ADGB: variants seen among roughly 807,000 people sequenced by gnomAD.
ADGB encodes the protein calpain-7-like protein.
ADGB carries 172 observed loss-of-function variants against 210.5 expected under a neutral mutation model. That is an observed-to-expected ratio of 0.82 (90% confidence interval 0.72 to 0.93). The LOEUF (loss-of-function observed/expected upper bound fraction) is 0.93. Among genes scored for constraint, ADGB ranks in the 40% least tolerant of loss-of-function variants. ADGB has a pLI of 0.00. For missense variants in ADGB, 2,025 were observed against 1,964.8 expected, an observed-to-expected ratio of 1.03 and a Z score of -0.58; for synonymous variants, 658 against 662.7, an observed-to-expected ratio of 0.99 and a Z score of 0.11.
chr6:146,621,879 C>A (rs1159296526), intron 1 of ADGB, among the ~76,000 whole-genome samples: 1 of 152,036 alleles, frequency 6.6e-6, no homozygotes, highest in Non-Finnish European at 1.5e-5. Flanking sequence ...CATGTATGTA[C>A]ATGCACTTTC....
intron 1 of ADGB, among the ~76,000 whole-genome samples, chr6:146,611,229 C>T (rs1170711981): frequency 6.6e-6 from 1 of 151,838 alleles, no homozygotes; most frequent in African/African-American, 2.4e-5. Context: ...CAGGTGAGGC[C>T]GGGCAGGGAC....
rs1438749893 is a variant in ADGB at position 146,717,548 on chromosome 6, T to A, written c.1941T>A (p.Ile647=). The change falls in exon 16 of 36, where the codon ATT becomes ATA. Residue 647 remains isoleucine, a synonymous_variant. Transcript: ENST00000397944. ...DFCVCFQNIY[I]FHKPSSYCLN... is the part of the protein sequence containing the mutation. ...GTCTTTCTTTCAGAAATATATATAT[T>A]TTCCACAAGCCAAGTTCATATTGCC... 7.1e-7 allele frequency: 1 copy of A among 1,403,454 alleles called. No homozygotes were observed. The highest frequency in any genetic ancestry group is 9.7e-7 in the Non-Finnish European group (1 of 1,030,274). 86.9% of individuals were successfully genotyped at this position (1,403,454 alleles called of 1,614,324 possible).
chr6:146,686,849 G>A (rs911271262), intron 10 of ADGB, among the ~76,000 whole-genome samples: 1 of 152,038 alleles, frequency 6.6e-6, no homozygotes, highest in African/African-American at 2.4e-5. Flanking sequence ...ACATATGAAT[G>A]TTCATTTAGT....
Position 146,741,104 on chromosome 6 carries a change from T to C in ADGB, c.3024-14T>C. On this transcript the variant is annotated splice_polypyrimidine_tract_variant and intron_variant, in intron 24 of 35. Transcript: ENST00000397944. The stretch of plus-strand genomic sequence containing the variant: ...ATTCACATCAAGGGAAAGTTCATGC[T>C]TTTGTAATTACAGAGAAACATTTTT... 1 of 1,501,676 alleles carries C rather than the reference T, an allele frequency of 6.7e-7. No individual in the cohort carries two copies. Among genetic ancestry groups the C allele is most frequent in the Non-Finnish European group, 8.9e-7 (1 of 1,125,212 alleles). The allele number at this position is 1,501,676 out of a possible 1,614,324, so 93.0% of individuals were successfully genotyped here.
At chr6:146,614,148 G>A (rs1328551036) in intron 1 of ADGB, among the ~76,000 whole-genome samples, 2 of 151,598 alleles carry the variant, frequency 1.3e-5, no homozygotes, top group Non-Finnish European at 2.9e-5. Context: ...ATTTCCTGAA[G>A]TTCCCTTTTA....
rs190952365 is a variant in ADGB, at chr6:146,700,998, C to T, written c.1635C>T (p.Ser545=). 1.2e-5 allele frequency: 18 copies of T among 1,551,068 alleles called. No homozygotes were observed. Among genetic ancestry groups the T allele is most frequent in the African/African-American group, 1.1e-4 (8 of 73,106 alleles). ...KGIPPGSDLP[S]VSETDETATH... ...TACCTCCAGGATCTGATTTACCTTC[C>T]GTCAGTGAAACTGATGAAACTGCAA... The change falls in exon 13 of 36, where the codon TCC becomes TCT. Residue 545 remains serine (S), a synonymous_variant. Transcript: ENST00000397944.
At chr6:146,783,589 A>G (rs1777831954) in intron 30 of ADGB, among the ~76,000 whole-genome samples, 1 of 152,230 alleles carries the variant, frequency 6.6e-6, no homozygotes, top group Non-Finnish European at 1.5e-5. Context: ...TCCAATTGTG[A>G]AAGTCAATTC....
At chr6:146,811,238 G>T (rs1393571932) in intron 35 of ADGB, among the ~76,000 whole-genome samples, 3 of 151,872 alleles carry the variant, frequency 2.0e-5, no homozygotes, top group Non-Finnish European at 4.4e-5. Context: ...TTATATACTG[G>T]TTTGTTTTAC....
chr6:146,717,821 C>A (rs991508763), intron 16 of ADGB, among the ~76,000 whole-genome samples: 1 of 152,006 alleles, frequency 6.6e-6, no homozygotes, highest in African/African-American at 2.4e-5. Flanking sequence ...TGAATCCTGG[C>A]CTGAATTATT....
In ADGB at chr6:146,815,338, T is replaced by C. The variant is rs1181077199; in HGVS notation, c.*121T>C. 1 of 754,240 alleles carries C rather than the reference T, an allele frequency of 1.3e-6. No homozygotes were observed. Among genetic ancestry groups the C allele is most frequent in the South Asian group, 3.8e-5 (1 of 26,566 alleles). The allele number at this position is 754,240 out of a possible 1,614,324, so 46.7% of individuals were successfully genotyped here. A position where few individuals can be genotyped will look rare whatever the true frequency, so the allele number is the denominator to read the frequency against. On this transcript the variant is annotated 3_prime_UTR_variant, in exon 36 of 36. Coordinates refer to ENST00000397944, the MANE Select transcript of ADGB (RefSeq NM_024694.4). ...AATAGAAATTTCTCTTTCTTAGAAA[T>C]ATTTTAATGCTAACTTGTTAGTTTT... is the stretch of plus-strand genomic sequence containing the variant.
intron 1 of ADGB, among the ~76,000 whole-genome samples, chr6:146,624,863 C>T (rs1179596108): frequency 6.6e-6 from 1 of 151,946 alleles, no homozygotes; most frequent in Admixed American, 6.6e-5. Context: ...ATTTATATTT[C>T]AAATATCTTA....
At chr6:146,684,426 A>G (rs73589835) in intron 9 of ADGB, among the ~76,000 whole-genome samples, 6,689 of 152,106 alleles carry the variant, frequency 0.044, 394 homozygotes, top group African/African-American at 0.14. Flanking sequence ...GGAGGGCTTC[A>G]ATTAGATTGA....
At chr6:146,763,198 G>A (rs1165676264) in intron 27 of ADGB, among the ~76,000 whole-genome samples, 1 of 152,126 alleles carries the variant, frequency 6.6e-6, no homozygotes, top group African/African-American at 2.4e-5. Context: ...CTTGTCTCAA[G>A]GATCACAATC....
Position 146,768,238 on chromosome 6 carries a change from T to G in ADGB, c.3751-782T>G, listed in dbSNP as rs531582669. 5.9e-5 allele frequency among the ~76,000 whole-genome samples: 9 copies of G among 152,326 alleles called. No individual in the cohort carries two copies. The East Asian group carries it at 1.2e-3, about 20-fold the overall frequency. ...AATTCCCACTGTATTTTTCTGAAAT[T>G]TTCTAAAGATACTTTAAAATTCATA... On this transcript the variant is annotated intron_variant, in intron 28 of 35. Coordinates refer to ENST00000397944, the MANE Select transcript of ADGB (RefSeq NM_024694.4).
intron 12 of ADGB, among the ~76,000 whole-genome samples, chr6:146,695,068 T>A (rs796809528): frequency 6.6e-6 from 1 of 152,212 alleles, no homozygotes; most frequent in African/African-American, 2.4e-5. Flanking sequence ...GGATGAATCA[T>A]ACTTAGCATT....
chr6:146,613,583 T>G (rs2114832291), intron 1 of ADGB, among the ~76,000 whole-genome samples: 1 of 152,294 alleles, frequency 6.6e-6, no homozygotes, highest in Non-Finnish European at 1.5e-5. Flanking sequence ...GTAAACTTAC[T>G]TCCATGAAAT....
chr6:146,608,185 T>A (rs903617855), intron 1 of ADGB, among the ~76,000 whole-genome samples: 1 of 152,124 alleles, frequency 6.6e-6, no homozygotes, highest in Non-Finnish European at 1.5e-5. Flanking sequence ...TTTGTTTGCA[T>A]AGAGCTGTTT....
intron 35 of ADGB, among the ~76,000 whole-genome samples, chr6:146,810,936 G>T (rs1268237882): frequency 6.6e-6 from 1 of 152,094 alleles, no homozygotes; most frequent in East Asian, 1.9e-4. Flanking sequence ...TAATCATTCA[G>T]TGTACACATA....
At chr6:146,793,232 C>T (rs259398) in intron 33 of ADGB, among the ~76,000 whole-genome samples, 2 of 137,428 alleles carry the variant, frequency 1.5e-5, no homozygotes, top group South Asian at 2.1e-4. Context: ...CTGATTGGTG[C>T]GTTTTACAGA....
Sources: allele counts gnomAD v4.1 joint callset (sites outside exome capture counted in the v4.1 genomes callset), GRCh38; gene constraint gnomAD v4.1.1; transcripts MANE v1.5; gene names NCBI Gene and HGNC (gene_info 2026-07-23, HGNC 2026-07-21).